GPC3: variants seen among roughly 807,000 people sequenced by gnomAD.
GPC3 encodes glypican-3.
In GPC3, 3 loss-of-function variants were observed where a neutral mutation model predicts 34.4. The observed-to-expected ratio is 0.09, with a 90% CI of 0.04 to 0.23. The LOEUF (loss-of-function observed/expected upper bound fraction) is 0.23. GPC3 is among the 10% of genes least tolerant of loss of function. The pLI is 1.00. For synonymous variants in GPC3, 177 were observed against 174.0 expected (o/e 1.02, Z -0.13); for missense variants, 351 against 445.6 (o/e 0.79, Z 1.91).
At chrX:133,901,179 G>T (rs766516721) in intron 2 of GPC3, among the ~76,000 whole-genome samples, 4 of 111,910 alleles carry the variant, frequency 3.6e-5, no homozygotes, top group African/African-American at 1.3e-4. Flanking sequence ...ATTTGATTCA[G>T]AAGTTAATTG....
chrX:133,767,755 T>A (rs912788353), intron 2 of GPC3, among the ~76,000 whole-genome samples: 1 of 110,915 alleles, frequency 9.0e-6, no homozygotes, highest in African/African-American at 3.3e-5. Context: ...TCCAGCCAAA[T>A]TCAATGGCAG....
intron 6 of GPC3, among the ~76,000 whole-genome samples, chrX:133,642,081 G>T (rs2070487062): frequency 1.1e-5 from 1 of 93,029 alleles, no homozygotes; most frequent in Non-Finnish European, 2.1e-5. Flanking sequence ...GGTTCCATTA[G>T]ATCCTAGTAC....
At chrX:133,842,267 G>A (rs1449324518) in intron 2 of GPC3, among the ~76,000 whole-genome samples, 1 of 108,553 alleles carries the variant, frequency 9.2e-6, no homozygotes, top group Non-Finnish European at 1.9e-5. Flanking sequence ...GCAGTGAGCC[G>A]AGATTGTGCC....
intron 1 of GPC3, among the ~76,000 whole-genome samples, chrX:133,972,154 G>T (rs1381604460): frequency 8.9e-6 from 1 of 112,205 alleles, no homozygotes; most frequent in East Asian, 2.8e-4. Context: ...TTAAAGCCAA[G>T]AAATGACTTA....
At chrX:133,668,406 A>T (rs1404236749) in intron 5 of GPC3, among the ~76,000 whole-genome samples, 1 of 111,378 alleles carries the variant, frequency 9.0e-6, no homozygotes, top group Non-Finnish European at 1.9e-5. Flanking sequence ...GCCTCCCTGA[A>T]CCACCCTGAG....
intron 7 of GPC3, among the ~76,000 whole-genome samples, chrX:133,585,599 A>G (rs1018129617): frequency 4.5e-5 from 5 of 111,545 alleles, no homozygotes; most frequent in African/African-American, 1.6e-4. Context: ...TTTTGCTGGC[A>G]TGTAAGTCTG....
chrX:133,561,073 A>G (rs17000459), intron 7 of GPC3, among the ~76,000 whole-genome samples: 7,014 of 111,886 alleles, frequency 0.063, 571 homozygotes, highest in African/African-American at 0.21. Context: ...AGGTGCTACC[A>G]TGCTGCCCAT....
At position 133,811,238 on chromosome X, in the gene GPC3, C is replaced by T. The variant is rs139003982; in HGVS notation, c.338-57062G>A. Among the ~76,000 whole-genome samples, 881 of 111,433 alleles carry T rather than the reference C, an allele frequency of 7.9e-3. 2 individuals carry two copies. Among genetic ancestry groups the T allele is most frequent in the South Asian group, 0.014 (36 of 2,625 alleles). On this transcript the variant is annotated intron_variant, in intron 2 of 7. Transcript: ENST00000370818. ...TAGTTAATTACATCTCTCTAGCTAA[C>T]GTACTTAAAATTACAGAGCTTCATT...
intron 1 of GPC3, among the ~76,000 whole-genome samples, chrX:133,956,603 A>G (rs1468877916): frequency 2.7e-5 from 3 of 112,420 alleles, no homozygotes; most frequent in African/African-American, 9.7e-5. Context: ...TACATGTTCA[A>G]AATATCATAT....
At chrX:133,597,283 C>A (rs1436096015) in intron 6 of GPC3, among the ~76,000 whole-genome samples, 2 of 111,714 alleles carry the variant, frequency 1.8e-5, no homozygotes, top group Admixed American at 1.9e-4. Flanking sequence ...ACGAATTTCA[C>A]GGGACTCCCG....
chrX:133,611,462 C>G (rs1431807024), intron 6 of GPC3, among the ~76,000 whole-genome samples: 1 of 112,151 alleles, frequency 8.9e-6, no homozygotes, highest in Admixed American at 9.4e-5. Context: ...CTGATCCACT[C>G]CTGATTAAGT....
chrX:133,750,070 G>A (rs184711355), intron 3 of GPC3, among the ~76,000 whole-genome samples: 2 of 111,691 alleles, frequency 1.8e-5, no homozygotes, highest in Admixed American at 9.5e-5. Context: ...GGCATTCCCC[G>A]GGGATGGCAG....
intron 2 of GPC3, among the ~76,000 whole-genome samples, chrX:133,934,625 C>T (rs2076315017): frequency 1.8e-5 from 2 of 110,326 alleles, no homozygotes; most frequent in African/African-American, 3.3e-5. Context: ...GGATCCCCTA[C>T]CTCAGCCTCT....
At chrX:133,963,545 A>G (rs912628743) in intron 1 of GPC3, among the ~76,000 whole-genome samples, 1 of 111,679 alleles carries the variant, frequency 9.0e-6, no homozygotes, top group Non-Finnish European at 1.9e-5. Context: ...CTCTTTCCCT[A>G]GCTTCAGCTA....
At chrX:133,845,233 G>A (rs1160844487) in intron 2 of GPC3, among the ~76,000 whole-genome samples, 1 of 111,756 alleles carries the variant, frequency 8.9e-6, no homozygotes, top group Non-Finnish European at 1.9e-5. Flanking sequence ...CGAGGAATCA[G>A]ACAAAAGTGT....
At chrX:133,966,600 A>G (rs186757528) in intron 1 of GPC3, among the ~76,000 whole-genome samples, 295 of 112,517 alleles carry the variant, frequency 2.6e-3, no homozygotes, top group African/African-American at 9.2e-3. Flanking sequence ...GAACCTGTGG[A>G]AAAAGGAATC....
At chrX:133,666,614 T>G (rs1018068136) in intron 5 of GPC3, among the ~76,000 whole-genome samples, 7 of 112,474 alleles carry the variant, frequency 6.2e-5, no homozygotes, top group Admixed American at 2.8e-4. Flanking sequence ...TTTTTCTGTT[T>G]CTCATGTCTC....
At chrX:133,676,805 G>T (rs1488576851) in intron 5 of GPC3, among the ~76,000 whole-genome samples, 1 of 111,906 alleles carries the variant, frequency 8.9e-6, no homozygotes, top group Non-Finnish European at 1.9e-5. Context: ...TGCACACAAG[G>T]ACAACTAGGT....
At chrX:133,794,716 A>C (rs1370281854) in intron 2 of GPC3, among the ~76,000 whole-genome samples, 1 of 112,035 alleles carries the variant, frequency 8.9e-6, no homozygotes, top group Non-Finnish European at 1.9e-5. Context: ...TCCCCACTGT[A>C]AATGCACTTC....
Sources: allele counts gnomAD v4.1 joint callset (sites outside exome capture counted in the v4.1 genomes callset), GRCh38; gene constraint gnomAD v4.1.1; transcripts MANE v1.5; gene names NCBI Gene and HGNC (gene_info 2026-07-23, HGNC 2026-07-21).